Variants in PARP8 observed in about 807,000 individuals in gnomAD.
PARP8 encodes the protein protein mono-ADP-ribosyltransferase PARP8.
A neutral mutation model predicts 124.1 loss-of-function variants in PARP8; 51 were observed. The ratio of observed to expected loss-of-function variants is 0.41; its 90% CI spans 0.33 to 0.52. PARP8 has a LOEUF of 0.52. PARP8 is among the 20% of genes least tolerant of loss of function. The probability of loss-of-function intolerance (pLI) is 0.21; values close to 1 mark genes in which losing one functional copy is unlikely to be tolerated. For missense variants in PARP8, 860 were observed against 1,018.9 expected, an observed-to-expected ratio of 0.84 and a Z score of 2.12; for synonymous variants, 391 against 361.5, an observed-to-expected ratio of 1.08 and a Z score of -0.93.
At chr5:50,790,545 C>T (rs1741833558) in intron 10 of PARP8, among the ~76,000 whole-genome samples, 1 of 152,082 alleles carries the variant, frequency 6.6e-6, no homozygotes, top group African/African-American at 2.4e-5. Context: ...TTTTGCAAGA[C>T]ACTTACAAAC....
chr5:50,831,851 T>C (rs1561445451), intron 22 of PARP8, among the ~76,000 whole-genome samples: 4 of 152,208 alleles, frequency 2.6e-5, no homozygotes, highest in African/African-American at 4.8e-5. Flanking sequence ...TGAAGGGCTC[T>C]TGATCTAAAA....
At chr5:50,701,245 T>G (rs1054375778) in intron 2 of PARP8, among the ~76,000 whole-genome samples, 4 of 152,134 alleles carry the variant, frequency 2.6e-5, no homozygotes, top group Admixed American at 2.6e-4. Flanking sequence ...ATAGTTATTG[T>G]TAATAATAGG....
At chr5:50,780,287 T>C (rs773015751) in intron 9 of PARP8, among the ~76,000 whole-genome samples, 9 of 152,160 alleles carry the variant, frequency 5.9e-5, no homozygotes, top group Non-Finnish European at 1.3e-4. Context: ...GGCTAACTTT[T>C]TTCTTATTTT....
rs763408364 is a variant in PARP8, at chr5:50,795,228, T to C, written c.1239T>C (p.Ser413=). 8 of 1,614,184 alleles carry C rather than the reference T, an allele frequency of 5.0e-6. No individual in the cohort carries two copies. The South Asian group carries it at 8.8e-5, about 18-fold the overall frequency. The stretch of plus-strand genomic sequence containing the variant: ...AACTGTTAAGCAGGTCTTACTCTAG[T>C]AATCTCAGAATGGAAGAATTATATG... The part of the protein sequence containing the change: ...PHKLLSRSYS[S]NLRMEELYGL... Residue 413 remains serine, a synonymous_variant, in exon 12 of 26, where the codon AGT becomes AGC. Transcript: ENST00000281631.
chr5:50,832,661 T>A (rs1408082492), intron 22 of PARP8, 120 bp from the exon 23 acceptor site: 7 of 913,518 alleles, frequency 7.7e-6, no homozygotes, highest in Middle Eastern at 2.2e-4. Context: ...TTTGTTACTG[T>A]CTCTAGCCTA....
rs1273679767 is a variant in PARP8, at chr5:50,666,897, A to ACCTCCC, written c.-193_-188dup. On this transcript the variant is annotated 5_prime_UTR_variant, in exon 1 of 26. Coordinates refer to ENST00000281631, the MANE Select transcript of PARP8 (RefSeq NM_024615.4). Reference sequence around the variant, plus strand: ...GGTCACATCTGGGAATGCAAAGCCGACCTCCCCCTCCTCCTCCTCCTCCCC... The same window carrying ACCTCCC: ...GGTCACATCTGGGAATGCAAAGCCGACCTCCCCCTCCCCCTCCTCCTCCTCCTCCCC... The ACCTCCC allele has an allele frequency of 1.3e-5, 17 of 1,264,406 alleles. No individual in the cohort carries two copies. Among genetic ancestry groups the ACCTCCC allele is most frequent in the African/African-American group, 2.2e-5 (1 of 46,016 alleles). The allele number at this position is 1,264,406 out of a possible 1,614,324, so 78.3% of individuals were successfully genotyped here. A position where few individuals can be genotyped will look rare whatever the true frequency, so the allele number is the denominator to read the frequency against.
intron 2 of PARP8, among the ~76,000 whole-genome samples, chr5:50,716,687 G>A (rs1755353193): frequency 6.6e-6 from 1 of 152,014 alleles, no homozygotes; most frequent in South Asian, 2.1e-4. Context: ...GTGGCCTGTG[G>A]TAGGAAATTT....
At position 50,685,045 on chromosome 5, in the gene PARP8, A is replaced by G. The variant is rs1044509803; in HGVS notation, c.146+16920A>G. On this transcript the variant is annotated intron_variant, in intron 2 of 25. Transcript: ENST00000281631. ...TTTAAAGAAATGCAGATTTTATGAT[A>G]TTCCTGATCATTCTCTTTGCATTTA... is the stretch of plus-strand genomic sequence containing the variant. Among the ~76,000 whole-genome samples, 79 of 152,272 alleles carry G rather than the reference A, an allele frequency of 5.2e-4. 1 individual carries two copies. The highest frequency in any genetic ancestry group is 1.9e-3 in the African/African-American group (78 of 41,544).
intron 18 of PARP8, 102 bp downstream of exon 18, chr5:50,825,077 C>T (rs1464766087): frequency 2.2e-6 from 2 of 930,152 alleles, no homozygotes; most frequent in African/African-American, 1.7e-5. Context: ...GTCTTACAAG[C>T]CCTGCAATGC....
chr5:50,707,467 A>G (rs1423744250), intron 2 of PARP8, among the ~76,000 whole-genome samples: 1 of 152,078 alleles, frequency 6.6e-6, no homozygotes, highest in Non-Finnish European at 1.5e-5. Context: ...TCTTTTTCTC[A>G]AAAACAGTGG....
rs187443333 is a variant in PARP8 at position 50,716,385 on chromosome 5, G to A, written c.147-33766G>A. 2.0e-3 allele frequency among the ~76,000 whole-genome samples: 305 copies of A among 152,222 alleles called. 10 individuals are homozygous for A. Among genetic ancestry groups the A allele is most frequent in the Admixed American group, 0.02 (304 of 15,278 alleles). ...CGGCTTCTCCTCTGTGAAGTAGGAAGGTGCTCTGCTGAGCTGAGCAGAGGG... is the reference window on the plus strand; with the variant it reads ...CGGCTTCTCCTCTGTGAAGTAGGAAAGTGCTCTGCTGAGCTGAGCAGAGGG... On this transcript the variant is annotated intron_variant, in intron 2 of 25. Coordinates refer to ENST00000281631, the MANE Select transcript of PARP8 (RefSeq NM_024615.4).
At position 50,668,033 on chromosome 5, in the gene PARP8, A is replaced by G. The variant is rs1261408057; in HGVS notation, c.92-38A>G. On this transcript the variant is annotated intron_variant, in intron 1 of 25. Transcript: ENST00000281631. ...TCCTGATCGGGGTTAAAACAAATCC[A>G]CTCCAGGGGTAGCTTTTGACGGGAC... is the stretch of plus-strand genomic sequence containing the variant. 3 of 1,611,504 alleles carry G rather than the reference A, an allele frequency of 1.9e-6. No individual in the cohort carries two copies. The East Asian group carries it at 6.7e-5, about 36-fold the overall frequency.
intron 14 of PARP8, among the ~76,000 whole-genome samples, chr5:50,814,677 G>A (rs1037369427): frequency 6.6e-6 from 1 of 152,148 alleles, no homozygotes; most frequent in Non-Finnish European, 1.5e-5. Flanking sequence ...GCCTCTGAAA[G>A]AAGTAAGCGT....
intron 7 of PARP8, among the ~76,000 whole-genome samples, chr5:50,771,138 C>CAT (rs1469890736): frequency 5.3e-5 from 8 of 150,188 alleles, no homozygotes; most frequent in South Asian, 2.1e-4. Context: ...TATATATACA[C>CAT]ATATATATAA....
intron 14 of PARP8, among the ~76,000 whole-genome samples, chr5:50,800,696 ATTACAC>A (rs1743105338): frequency 1.3e-5 from 2 of 148,664 alleles, no homozygotes; most frequent in South Asian, 4.2e-4. Flanking sequence ...AATATGATGT[ATTACAC>A]TGATTTTTTG....
chr5:50,772,093 C>CA (rs1478520376), intron 7 of PARP8, among the ~76,000 whole-genome samples: 1 of 152,160 alleles, frequency 6.6e-6, no homozygotes, highest in Non-Finnish European at 1.5e-5. Context: ...TGACTTACAT[C>CA]ACGCAGTGTT....
intron 2 of PARP8, chr5:50,744,712 A>G (rs1005158698): frequency 5.8e-6 from 4 of 695,320 alleles, no homozygotes; most frequent in Non-Finnish European, 1.0e-5. Context: ...AAAATTCTGA[A>G]GGCTTTTTTT....
chr5:50,701,571 A>G (rs1244280157), intron 2 of PARP8, among the ~76,000 whole-genome samples: 1 of 152,172 alleles, frequency 6.6e-6, no homozygotes, highest in Non-Finnish European at 1.5e-5. Flanking sequence ...TACAGTTTGA[A>G]TAACTATTTT....
intron 2 of PARP8, 189 bp downstream of exon 2, chr5:50,668,314 C>T: frequency 1.6e-6 from 1 of 609,390 alleles, no homozygotes; most frequent in East Asian, 2.8e-5. Context: ...ATGTTTGATT[C>T]AGGTGTTTCG....
Sources: gnomAD v4.1 joint callset for allele counts (sites outside exome capture counted in the v4.1 genomes callset) on GRCh38, gnomAD v4.1.1 for gene constraint, MANE v1.5 for transcripts, NCBI Gene and HGNC (gene_info 2026-07-23, HGNC 2026-07-21) for gene names.